The following BIRC6 variants were observed in gnomAD, a reference collection of about 807,000 sequenced individuals.
BIRC6 encodes baculoviral IAP repeat containing 6, also known as dual E2 ubiquitin-conjugating enzyme/E3 ubiquitin-protein ligase BIRC6.
A neutral mutation model predicts 503.3 loss-of-function variants in BIRC6; 98 were observed. The ratio of observed to expected loss-of-function variants is 0.19; its 90% CI spans 0.17 to 0.23. The LOEUF (loss-of-function observed/expected upper bound fraction) is 0.23, where lower values mean the gene tolerates loss of function less well. Ranked by LOEUF, BIRC6 falls within the 10% of genes least tolerant of loss-of-function variation. BIRC6 has a pLI of 1.00. For synonymous variants in BIRC6, 2,240 were observed against 2,078.7 expected (o/e 1.08, Z -2.11); for missense variants, 5,360 against 5,806.0 (o/e 0.92, Z 2.50).
At chr2:32,539,637 A>G (rs2057504984) in intron 61 of BIRC6, among the ~76,000 whole-genome samples, 1 of 152,180 alleles carries the variant, frequency 6.6e-6, no homozygotes, top group South Asian at 2.1e-4. Context: ...GATAATGCCA[A>G]CATGACATGG....
At chr2:32,547,499 A>G (rs1276710135) in intron 63 of BIRC6, among the ~76,000 whole-genome samples, 1 of 152,030 alleles carries the variant, frequency 6.6e-6, no homozygotes, top group South Asian at 2.1e-4. Flanking sequence ...ATTTAGTATA[A>G]TGTTTTCTAG....
chr2:32,608,249 C>T (rs1276914641), intron 72 of BIRC6, among the ~76,000 whole-genome samples: 1 of 148,476 alleles, frequency 6.7e-6, no homozygotes, highest in South Asian at 2.2e-4. Flanking sequence ...GCTGTGTTCA[C>T]ATGACTGCAC....
intron 46 of BIRC6, among the ~76,000 whole-genome samples, chr2:32,501,346 A>G (rs897828746): frequency 2.6e-5 from 4 of 152,184 alleles, no homozygotes; most frequent in East Asian, 1.9e-4. Context: ...TCTCAGTCAT[A>G]TAACAGAACA....
chr2:32,385,911 T>C (rs74752121), intron 3 of BIRC6, among the ~76,000 whole-genome samples: 2,284 of 152,310 alleles, frequency 0.015, 37 homozygotes, highest in Middle Eastern at 0.061. Flanking sequence ...TCTTTCAGTC[T>C]GGAGGGAATA....
At chr2:32,460,234 ATC>A (rs1196399886) in intron 23 of BIRC6, among the ~76,000 whole-genome samples, 1 of 113,534 alleles carries the variant, frequency 8.8e-6, no homozygotes, top group Non-Finnish European at 1.7e-5. Flanking sequence ...CATATGATAT[ATC>A]TCGTATATGA....
intron 1 of BIRC6, among the ~76,000 whole-genome samples, chr2:32,359,181 A>G (rs936248612): frequency 1.3e-4 from 20 of 152,318 alleles, no homozygotes; most frequent in Admixed American, 8.5e-4. Context: ...ACTTTCTAGT[A>G]TATGTTTCTA....
chr2:32,442,521 T>C, intron 19 of BIRC6, 66 bp downstream of exon 19: 1 of 1,432,484 alleles, frequency 7.0e-7, no homozygotes, highest in Non-Finnish European at 9.3e-7. Flanking sequence ...GGTGATACCT[T>C]GTTTATAGTG....
chr2:32,451,730 A>T (rs2046754804), intron 22 of BIRC6, among the ~76,000 whole-genome samples: 1 of 152,208 alleles, frequency 6.6e-6, no homozygotes, highest in African/African-American at 2.4e-5. Flanking sequence ...GTAATGACTG[A>T]CAGACAAACT....
At chr2:32,441,212 G>C (rs1023153679) in intron 16 of BIRC6, 117 bp from the exon 17 acceptor site, 7 of 763,856 alleles carry the variant, frequency 9.2e-6, no homozygotes, top group African/African-American at 8.8e-5. Context: ...ATTTTAACTT[G>C]AGATTTATAT....
chr2:32,471,963 A>G (rs915409176), intron 32 of BIRC6, among the ~76,000 whole-genome samples: 7 of 152,248 alleles, frequency 4.6e-5, no homozygotes, highest in Non-Finnish European at 1.0e-4. Context: ...ATTCATATGT[A>G]TAAGGAATTT....
intron 66 of BIRC6, among the ~76,000 whole-genome samples, chr2:32,592,532 T>A (rs1367704778): frequency 6.6e-6 from 1 of 152,190 alleles, no homozygotes; most frequent in Non-Finnish European, 1.5e-5. Flanking sequence ...AGCAGATTTT[T>A]GTTTTTGTGA....
rs570726190 is a variant in BIRC6 at position 32,481,580 on chromosome 2, C to G, written c.7542+127C>G. The G allele has an allele frequency of 2.1e-4, 142 of 692,238 alleles. No homozygotes were observed. In the African/African-American group the frequency reaches 2.5e-3, roughly 12 times the overall value. 42.9% of individuals were successfully genotyped at this position (692,238 alleles called of 1,614,324 possible). A position where few individuals can be genotyped will look rare whatever the true frequency, so the allele number is the denominator to read the frequency against. On this transcript the variant is annotated intron_variant, in intron 38 of 73. Transcript: ENST00000421745. Reference sequence around the variant, plus strand: ...AAGAGATCAAGACCATCCTGGCCAACATAGTGAAATCCCGTCTCTACTAAA... The same window carrying G: ...AAGAGATCAAGACCATCCTGGCCAAGATAGTGAAATCCCGTCTCTACTAAA...
At chr2:32,572,306 C>T (rs1370710420) in intron 65 of BIRC6, among the ~76,000 whole-genome samples, 1 of 152,154 alleles carries the variant, frequency 6.6e-6, no homozygotes, top group Admixed American at 6.6e-5. Flanking sequence ...CTTTCTAGTG[C>T]TGTGAGTTGG....
intron 60 of BIRC6, among the ~76,000 whole-genome samples, chr2:32,530,792 T>G (rs753249974): frequency 2.7e-4 from 41 of 152,204 alleles, no homozygotes; most frequent in Non-Finnish European, 5.4e-4. Flanking sequence ...TTCAGCACGA[T>G]TATTTCTCTC....
Position 32,531,388 on chromosome 2 carries a change from A to T in BIRC6, c.12128A>T (p.Asp4043Val). The change falls in exon 61 of 74, where the codon GAT (aspartate) becomes GTT (valine). Residue 4043 changes from aspartate (D) to valine (V), a missense_variant. Asp to Val is a radical substitution (Grantham distance 152, BLOSUM62 -3). Around this residue, in one of 16 missense-constraint regions of BIRC6, gnomAD observed 878 missense variants for 928.9 expected, o/e 0.95. Coordinates refer to ENST00000421745, the MANE Select transcript of BIRC6 (RefSeq NM_016252.4). ...HGDLLASCPE[D>V]EALTPGDECM... Reference sequence around the variant, plus strand: ...GACTTACTTGCTAGCTGTCCAGAAGATGAGGCTCTCACTCCAGGTGATGAA... The same window carrying T: ...GACTTACTTGCTAGCTGTCCAGAAGTTGAGGCTCTCACTCCAGGTGATGAA... 1 of 1,613,552 alleles carries T rather than the reference A, an allele frequency of 6.2e-7. No individual in the cohort carries two copies. The highest frequency in any genetic ancestry group is 8.5e-7 in the Non-Finnish European group (1 of 1,179,672).
At chr2:32,555,741 C>G (rs1457699112) in intron 65 of BIRC6, among the ~76,000 whole-genome samples, 3 of 151,914 alleles carry the variant, frequency 2.0e-5, no homozygotes, top group African/African-American at 7.3e-5. Flanking sequence ...GAGGCTGAAG[C>G]GTGAGGATCA....
At chr2:32,506,162 T>A (rs2053776498) in intron 50 of BIRC6, among the ~76,000 whole-genome samples, 1 of 152,180 alleles carries the variant, frequency 6.6e-6, no homozygotes, top group Admixed American at 6.5e-5. Context: ...TTGTGTTTTA[T>A]ATGGTTCACA....
At chr2:32,517,628 T>A (rs2055193776) in intron 55 of BIRC6, among the ~76,000 whole-genome samples, 1 of 152,162 alleles carries the variant, frequency 6.6e-6, no homozygotes, top group African/African-American at 2.4e-5. Context: ...AGGCCTGTAG[T>A]GCAGTTGCAC....
intron 61 of BIRC6, among the ~76,000 whole-genome samples, chr2:32,535,576 A>G (rs536496124): frequency 6.6e-6 from 1 of 152,174 alleles, no homozygotes; most frequent in East Asian, 1.9e-4. Context: ...CGTCCTTGCG[A>G]TAGTTTGCTG....
Sources: gnomAD v4.1 joint callset for allele counts (sites outside exome capture counted in the v4.1 genomes callset) on GRCh38, gnomAD v4.1.1 for gene constraint, gnomAD v4.1.1 regional missense constraint, MANE v1.5 for transcripts, NCBI Gene and HGNC (gene_info 2026-07-23, HGNC 2026-07-21) for gene names.